The following RADIL variants were observed in gnomAD, a reference collection of about 807,000 sequenced individuals.
The protein encoded by RADIL is Rap associating with DIL domain.
A neutral mutation model predicts 97.6 loss-of-function variants in RADIL; 99 were observed. That is an observed-to-expected ratio of 1.01 (90% CI 0.86 to 1.20). RADIL has a LOEUF of 1.20. Among genes scored for constraint, RADIL ranks in the 50% most tolerant of loss-of-function variants. The pLI, the probability that RADIL is intolerant of heterozygous loss-of-function variation, is 0.00. For missense variants in RADIL, 1,765 were observed against 1,498.9 expected, an observed-to-expected ratio of 1.18 and a Z score of -2.93; for synonymous variants, 803 against 691.8, an observed-to-expected ratio of 1.16 and a Z score of -2.52.
At chr7:4,832,740 G>GC (rs1312033983) in intron 4 of RADIL, among the ~76,000 whole-genome samples, 5 of 55,098 alleles carry the variant, frequency 9.1e-5, no homozygotes, top group Admixed American at 2.4e-4. Flanking sequence ...CTCCGTCTCA[G>GC]CAAAAAAAAA....
intron 9 of RADIL, among the ~76,000 whole-genome samples, chr7:4,811,914 G>A (rs985867734): frequency 4.3e-4 from 64 of 148,162 alleles, no homozygotes; most frequent in African/African-American, 1.5e-3. Flanking sequence ...CATTTCTGAC[G>A]TCCAGGCTGG....
rs1346511406 is a variant in RADIL, at chr7:4,824,892, GTAGACAGGCCTGTCC to G, written c.1455-2353_1455-2339del. On this transcript the variant is annotated intron_variant, in intron 5 of 14. Transcript: ENST00000399583. The surrounding 1 kb of genome is among the most constrained non-coding windows in gnomAD (Gnocchi z 6.7). ...TCTCAATTTCACCGGAACCCGGAGG[GTAGACAGGCCTGTCC>G]CAGGAAACAAGTGACCAGGCTTTGC... Among the ~76,000 whole-genome samples the G allele has an allele frequency of 2.6e-5, 4 of 152,206 alleles. No individual in the cohort carries two copies. Among genetic ancestry groups the G allele is most frequent in the Admixed American group, 6.5e-5 (1 of 15,276 alleles).
At position 4,800,151 on chromosome 7, in the gene RADIL, G is replaced by A. The variant is rs764939989; in HGVS notation, c.2982+20C>T. On this transcript the variant is annotated intron_variant, in intron 13 of 14. Transcript: ENST00000399583. ...CAGGCAGCCAGTATGGGGGTGCGGC[G>A]AGGGTCCTGGGCCACTCACCATCCC... The A allele has an allele frequency of 2.3e-5, 37 of 1,582,896 alleles. No individual in the cohort carries two copies. In the Middle Eastern group the frequency reaches 5.0e-4, roughly 21 times the overall value.
intron 2 of RADIL, among the ~76,000 whole-genome samples, chr7:4,848,656 A>G (rs971042092): frequency 2.6e-5 from 4 of 152,206 alleles, no homozygotes; most frequent in African/African-American, 9.7e-5. Context: ...ACATGATCAT[A>G]AAAAGGTAAA....
At chr7:4,857,690 T>A (rs1406116454) in intron 2 of RADIL, 10 of 152,640 alleles carry the variant, frequency 6.6e-5, no homozygotes. Flanking sequence ...TGAATTCATA[T>A]CTTAGATTTA....
chr7:4,801,951 G>A lies in RADIL; in HGVS notation c.2544C>T (p.Ser848=). 1 of 1,559,110 alleles carries A rather than the reference G, an allele frequency of 6.4e-7. No individual in the cohort carries two copies. The highest frequency in any genetic ancestry group is 1.2e-5 in the South Asian group (1 of 84,008). Residue 848 remains serine, a synonymous_variant, in exon 12 of 15, where the codon AGC becomes AGT. Coordinates refer to ENST00000399583, the MANE Select transcript of RADIL (RefSeq NM_018059.5). ...VVLDGHLEAP[S]CPLAPRDPGP... ...CAGGGTCCCTGGGAGCCAGGGGGCA[G>A]CTCGGGGCCTCCAGGTGCCCGTCAA...
chr7:4,805,416 G>T (rs1249894117), intron 10 of RADIL, 150 bp downstream of exon 10: 15 of 958,212 alleles, frequency 1.6e-5, no homozygotes, highest in Admixed American at 8.7e-5. Context: ...GGGCGGGGGG[G>T]TCCTCTGGGT....
Position 4,873,864 on chromosome 7 carries a change from G to A in RADIL, c.535+3741C>T, listed in dbSNP as rs1014361043. ...AGCCTCCCCACCACGATTCTTCCAC[G>A]TCACTCCAACCTGAGGCAGGCTGGC... is the stretch of plus-strand genomic sequence containing the variant. On this transcript the variant is annotated intron_variant, in intron 2 of 14. Coordinates refer to ENST00000399583, the MANE Select transcript of RADIL (RefSeq NM_018059.5). This position sits in a 1 kb window ranked among gnomAD's most constrained non-coding sequence, Gnocchi z 4.3. Among the ~76,000 whole-genome samples the A allele has an allele frequency of 2.6e-5, 4 of 152,200 alleles. No individual in the cohort carries two copies. The highest frequency in any genetic ancestry group is 5.9e-5 in the Non-Finnish European group (4 of 68,038).
At chr7:4,852,559 C>T (rs1182417202) in intron 2 of RADIL, among the ~76,000 whole-genome samples, 1 of 152,180 alleles carries the variant, frequency 6.6e-6, no homozygotes, top group Non-Finnish European at 1.5e-5. Context: ...AGCAATCCTC[C>T]CATCTAAGCC....
intron 2 of RADIL, among the ~76,000 whole-genome samples, chr7:4,862,545 GTGTC>G (rs1229290802): frequency 6.6e-6 from 1 of 152,198 alleles, no homozygotes; most frequent in Non-Finnish European, 1.5e-5. Flanking sequence ...AGCTATAAAA[GTGTC>G]TGTCCCTAGT....
In RADIL at chr7:4,880,715, A is replaced by T. The variant is rs1784465950; in HGVS notation, c.-64-2512T>A. 6.6e-6 allele frequency among the ~76,000 whole-genome samples: 1 copy of T among 152,238 alleles called. No individual in the cohort carries two copies. Among genetic ancestry groups the T allele is most frequent in the African/African-American group, 2.4e-5 (1 of 41,462 alleles). On this transcript the variant is annotated intron_variant, in intron 1 of 14. Transcript: ENST00000399583. The surrounding 1 kb of genome is among the most constrained non-coding windows in gnomAD (Gnocchi z 4.5). ...GATGGTACAGCCTCTGCCACCAGGC[A>T]GCTGTGGCTCAGGAAACCTCTGCCT...
chr7:4,871,485 C>T (rs1486789866), intron 2 of RADIL, among the ~76,000 whole-genome samples: 2 of 152,304 alleles, frequency 1.3e-5, no homozygotes, highest in East Asian at 3.9e-4. Context: ...AGTGACAAGG[C>T]GGGACGACAA....
In RADIL at chr7:4,800,310, C is replaced by A; in HGVS notation, c.2843G>T (p.Gly948Val). 1 of 1,451,844 alleles carries A rather than the reference C, an allele frequency of 6.9e-7. No individual in the cohort carries two copies. Among genetic ancestry groups the A allele is most frequent in the East Asian group, 2.7e-5 (1 of 36,934 alleles). 89.9% of individuals were successfully genotyped at this position (1,451,844 alleles called of 1,614,324 possible). A position where few individuals can be genotyped will look rare whatever the true frequency, so the allele number is the denominator to read the frequency against. The change falls in exon 13 of 15, where the codon GGA becomes GTA. Residue 948 changes from glycine to valine, a missense_variant and splice_region_variant. Transcript: ENST00000399583. Reference sequence around the variant, plus strand: ...CTCCTCCGCAAGGGCTGCAGAGTCTCCTGGGTGGGGGCCAGGAAAGGTGGG... The same window carrying A: ...CTCCTCCGCAAGGGCTGCAGAGTCTACTGGGTGGGGGCCAGGAAAGGTGGG... ...LSGLRGAAPE[G>V]DSAALAEESP...
intron 2 of RADIL, among the ~76,000 whole-genome samples, chr7:4,839,395 A>G (rs1562445478): frequency 6.6e-6 from 1 of 152,118 alleles, no homozygotes. Flanking sequence ...AATTCAAACA[A>G]ATGTGTTTTA....
rs1400612173 is a variant in RADIL at position 4,880,380 on chromosome 7, C to A, written c.-64-2177G>T. 6.6e-6 allele frequency among the ~76,000 whole-genome samples: 1 copy of A among 152,206 alleles called. No homozygotes were observed. Among genetic ancestry groups the A allele is most frequent in the Non-Finnish European group, 1.5e-5 (1 of 68,050 alleles). Reference sequence around the variant, plus strand: ...TTTCAGACAGTGCTCACATCACAAACGTGCGGCCTGGCCTGTGCACACCAC... The same window carrying A: ...TTTCAGACAGTGCTCACATCACAAAAGTGCGGCCTGGCCTGTGCACACCAC... On this transcript the variant is annotated intron_variant, in intron 1 of 14. Transcript: ENST00000399583. The surrounding 1 kb of genome is among the most constrained non-coding windows in gnomAD (Gnocchi z 4.5).
chr7:4,877,871 C>G lies in RADIL; in HGVS notation c.269G>C (p.Arg90Pro). ...SVLATGTSSA[R>P]ELVKEALERY... Reference sequence around the variant, plus strand: ...CTCCAGCGCCTCCTTCACCAGCTCACGGGCGCTGGAGGTGCCGGTGGCCAG... The same window carrying G: ...CTCCAGCGCCTCCTTCACCAGCTCAGGGGCGCTGGAGGTGCCGGTGGCCAG... Residue 90 changes from arginine to proline, a missense_variant, in exon 2 of 15, where the codon CGT becomes CCT. By Grantham distance (103) the Arg-to-Pro change is moderately radical. Coordinates refer to ENST00000399583, the MANE Select transcript of RADIL (RefSeq NM_018059.5). 6.2e-7 allele frequency: 1 copy of G among 1,605,624 alleles called. No individual in the cohort carries two copies. The highest frequency in any genetic ancestry group is 8.5e-7 in the Non-Finnish European group (1 of 1,179,958).
Position 4,872,930 on chromosome 7 carries a change from A to G in RADIL, c.535+4675T>C, listed in dbSNP as rs1172397583. Among the ~76,000 whole-genome samples the G allele has an allele frequency of 6.6e-6, 1 of 152,006 alleles. No individual in the cohort carries two copies. The highest frequency in any genetic ancestry group is 2.4e-5 in the African/African-American group (1 of 41,374). ...GGTGCAACCCGTTAGCCCAACCCAG[A>G]ACCAATGTGACTCTGTTTTTCTTTT... On this transcript the variant is annotated intron_variant, in intron 2 of 14. Coordinates refer to ENST00000399583, the MANE Select transcript of RADIL (RefSeq NM_018059.5). This position sits in a 1 kb window ranked among gnomAD's most constrained non-coding sequence, Gnocchi z 5.8.
Position 4,805,568 on chromosome 7 carries a change from G to T in RADIL, c.2288C>A (p.Ser763Ter). ...TCCTGCCCTGGGGCAGGGCTTACCT[G>T]ACCTGAAGGCCTCGGGGCTGTCCTG... ...GAQDSPEAFR[S>*]EDVLESYENP... is the part of the protein sequence containing the mutation. The change falls in exon 10 of 15, where the codon TCA becomes TAA. Residue 763 changes from serine (S) to a stop codon, truncating the protein, a stop_gained and splice_region_variant. Transcript: ENST00000399583. LOFTEE classifies it high-confidence loss of function. The T allele has an allele frequency of 6.3e-7, 1 of 1,598,442 alleles. No homozygotes were observed. Among genetic ancestry groups the T allele is most frequent in the South Asian group, 1.1e-5 (1 of 90,332 alleles).
In RADIL at chr7:4,799,763, G is replaced by A. The variant is rs772061455; in HGVS notation, c.2989C>T (p.His997Tyr). ...ATGTAGAGCCCGGGGGCGCCCAGGT[G>A]CGTGTGCTGGGGACAAGCAGAGGCC... ...GMGLIDGMHT[H>Y]LGAPGLYIQT... is the part of the protein sequence containing the mutation. The change falls in exon 14 of 15, where the codon CAC (histidine) becomes TAC (tyrosine). Residue 997 changes from histidine to tyrosine, a missense_variant. Transcript: ENST00000399583. 1.9e-5 allele frequency: 29 copies of A among 1,532,868 alleles called. No individual in the cohort carries two copies. Among genetic ancestry groups the A allele is most frequent in the East Asian group, 1.7e-4 (7 of 41,222 alleles). 95.0% of individuals were successfully genotyped at this position (1,532,868 alleles called of 1,614,324 possible). A position where few individuals can be genotyped will look rare whatever the true frequency, so the allele number is the denominator to read the frequency against.
Sources: allele counts gnomAD v4.1 joint callset (sites outside exome capture counted in the v4.1 genomes callset), GRCh38; gene constraint gnomAD v4.1.1; non-coding constraint Gnocchi (gnomAD v3.1); transcripts MANE v1.5; gene names NCBI Gene and HGNC (gene_info 2026-07-23, HGNC 2026-07-21).